GSE1: variants seen among roughly 807,000 people sequenced by gnomAD.
GSE1 encodes genetic suppressor element 1.
Under a neutral mutation model 112.6 loss-of-function variants are expected in GSE1, and 32 were observed. That is an observed-to-expected ratio of 0.28 (90% CI 0.21 to 0.38). GSE1 has a LOEUF of 0.38. Ranked by LOEUF, GSE1 falls within the 10% of genes least tolerant of loss-of-function variation. The probability of loss-of-function intolerance (pLI) is 1.00; values close to 1 mark genes in which losing one functional copy is unlikely to be tolerated. For synonymous variants in GSE1, 1,115 were observed against 735.6 expected, an observed-to-expected ratio of 1.52 and a Z score of -8.35; for missense variants, 2,348 against 1,699.2, an observed-to-expected ratio of 1.38 and a Z score of -6.71.
At chr16:85,491,793 A>G (rs2051018861) in intron 2 of GSE1, among the ~76,000 whole-genome samples, 1 of 152,146 alleles carries the variant, frequency 6.6e-6, no homozygotes, top group Non-Finnish European at 1.5e-5. Flanking sequence ...TGGGGGTGAC[A>G]CTGGGCCTGG....
At chr16:85,191,121 G>A (rs956101629) in intron 1 of GSE1, among the ~76,000 whole-genome samples, 2 of 152,098 alleles carry the variant, frequency 1.3e-5, no homozygotes, top group Admixed American at 1.3e-4. Flanking sequence ...TTAGCTGGGC[G>A]TGGTGTTGTG....
intron 2 of GSE1, among the ~76,000 whole-genome samples, chr16:85,644,207 C>G (rs1022393635): frequency 1.3e-5 from 2 of 152,142 alleles, no homozygotes; most frequent in African/African-American, 4.8e-5. Flanking sequence ...GGCCTGGTGG[C>G]ACGTGCCTTT....
At chr16:85,275,871 T>TTGGC (rs1909310176) in intron 1 of GSE1, among the ~76,000 whole-genome samples, 1 of 152,260 alleles carries the variant, frequency 6.6e-6, no homozygotes. Flanking sequence ...TCCCTGCCTG[T>TTGGC]TGGCGGTCTC....
intron 2 of GSE1, among the ~76,000 whole-genome samples, chr16:85,538,205 G>A (rs1483793426): frequency 2.0e-5 from 3 of 152,224 alleles, no homozygotes; most frequent in African/African-American, 7.2e-5. Flanking sequence ...CCGCCCGGCT[G>A]GCCCGCCAGC....
intron 1 of GSE1, among the ~76,000 whole-genome samples, chr16:85,231,304 TGGAC>T (rs752487510): frequency 4.7e-5 from 7 of 148,384 alleles, no homozygotes; most frequent in Non-Finnish European, 1.0e-4. Context: ...GGTGGATGGA[TGGAC>T]GGAAGGACAG....
At chr16:85,235,086 G>A (rs1239849864) in intron 1 of GSE1, among the ~76,000 whole-genome samples, 1 of 152,050 alleles carries the variant, frequency 6.6e-6, no homozygotes, top group Non-Finnish European at 1.5e-5. Context: ...GTGGGGTGAG[G>A]TGGAGGGGCA....
chr16:85,420,334 G>A (rs972513065), intron 2 of GSE1, among the ~76,000 whole-genome samples: 2 of 152,160 alleles, frequency 1.3e-5, no homozygotes, highest in East Asian at 3.9e-4. Context: ...CCAACTTTGG[G>A]TGTCCAGGAT....
intron 1 of GSE1, among the ~76,000 whole-genome samples, chr16:85,564,744 G>C (rs1381592786): frequency 6.6e-6 from 1 of 152,194 alleles, no homozygotes; most frequent in Non-Finnish European, 1.5e-5. Flanking sequence ...GGAACAGTAG[G>C]AGAGAATGTG....
At chr16:85,219,442 A>G (rs960003253) in intron 1 of GSE1, among the ~76,000 whole-genome samples, 1 of 152,232 alleles carries the variant, frequency 6.6e-6, no homozygotes, top group Non-Finnish European at 1.5e-5. Flanking sequence ...GACCTACCGC[A>G]TGAAGCTGCT....
chr16:85,213,721 T>C (rs934914004), intron 1 of GSE1, among the ~76,000 whole-genome samples: 17 of 152,234 alleles, frequency 1.1e-4, no homozygotes, highest in African/African-American at 4.1e-4. Flanking sequence ...AGGGGTGCCC[T>C]TGCAGGGACC....
chr16:85,586,656 G>A (rs866912003), intron 1 of GSE1, among the ~76,000 whole-genome samples: 7 of 152,102 alleles, frequency 4.6e-5, no homozygotes, highest in Admixed American at 1.3e-4. Flanking sequence ...CCCGACTGCC[G>A]TGCTCCATGG....
intron 1 of GSE1, among the ~76,000 whole-genome samples, chr16:85,586,710 C>T (rs569921251): frequency 4.1e-4 from 63 of 152,294 alleles, no homozygotes; most frequent in African/African-American, 1.5e-3. Context: ...CTGAGAGCAG[C>T]CGTGTGAGAC....
intron 1 of GSE1, 29 bp downstream of exon 1, chr16:85,613,427 G>C (rs1027695374): frequency 6.5e-7 from 1 of 1,543,196 alleles, no homozygotes; most frequent in Admixed American, 2.0e-5. Flanking sequence ...GCCGGGGACG[G>C]GGTCCTCCCC....
At chr16:85,453,717 C>T (rs576500818) in intron 2 of GSE1, among the ~76,000 whole-genome samples, 1 of 152,150 alleles carries the variant, frequency 6.6e-6, no homozygotes, top group East Asian at 1.9e-4. Flanking sequence ...GTGGGGGGAT[C>T]CTACTTCATC....
chr16:85,287,926 G>A (rs1409175930), intron 1 of GSE1, among the ~76,000 whole-genome samples: 1 of 152,192 alleles, frequency 6.6e-6, no homozygotes, highest in Non-Finnish European at 1.5e-5. Flanking sequence ...GTGGAAGGAA[G>A]AAATGGAGAT....
At chr16:85,279,709 C>T (rs1467721816) in intron 1 of GSE1, among the ~76,000 whole-genome samples, 1 of 152,154 alleles carries the variant, frequency 6.6e-6, no homozygotes, top group African/African-American at 2.4e-5. Flanking sequence ...CTCCATGGGG[C>T]CTCCTGAGCA....
intron 1 of GSE1, among the ~76,000 whole-genome samples, chr16:85,589,918 T>G (rs758575850): frequency 1.3e-5 from 2 of 149,364 alleles, no homozygotes; most frequent in Non-Finnish European, 3.0e-5. Flanking sequence ...CCTGAGTGAT[T>G]GAGCATGAAT....
At chr16:85,517,507 C>T (rs545367080) in intron 2 of GSE1, among the ~76,000 whole-genome samples, 1 of 152,190 alleles carries the variant, frequency 6.6e-6, no homozygotes, top group African/African-American at 2.4e-5. Flanking sequence ...CAGAAGCTTC[C>T]ACCTGCTCTC....
At chr16:85,655,518 C>A (rs964757524) in intron 5 of GSE1, among the ~76,000 whole-genome samples, 2 of 152,206 alleles carry the variant, frequency 1.3e-5, no homozygotes, top group African/African-American at 4.8e-5. Context: ...GCAGGCGGCG[C>A]CCTGGAACCC....
Sources: gnomAD v4.1 joint callset for allele counts (sites outside exome capture counted in the v4.1 genomes callset) on GRCh38, gnomAD v4.1.1 for gene constraint, MANE v1.5 for transcripts, NCBI Gene and HGNC (gene_info 2026-07-23, HGNC 2026-07-21) for gene names.